Variants in PLCXD3 observed in about 807,000 individuals in gnomAD.
The protein encoded by PLCXD3 is phosphatidylinositol specific phospholipase C X domain containing 3, also known as PI-PLC X domain-containing protein 3.
A neutral mutation model predicts 25.5 loss-of-function variants in PLCXD3; 19 were observed. The observed-to-expected ratio is 0.75, with a 90% CI of 0.52 to 1.09. The LOEUF (loss-of-function observed/expected upper bound fraction) is 1.09. Among genes scored for constraint, PLCXD3 ranks in the 50% least tolerant of loss-of-function variants. PLCXD3 has a pLI of 0.00. For missense variants in PLCXD3, 411 were observed against 388.1 expected (o/e 1.06, Z -0.50); for synonymous variants, 174 against 137.6 (o/e 1.26, Z -1.85).
At chr5:41,462,129 T>C (rs764522032) in intron 1 of PLCXD3, among the ~76,000 whole-genome samples, 1 of 152,030 alleles carries the variant, frequency 6.6e-6, no homozygotes, top group African/African-American at 2.4e-5. Flanking sequence ...AGTTGCCATA[T>C]TCAGGAAAGC....
At chr5:41,471,897 CTT>C in intron 1 of PLCXD3, among the ~76,000 whole-genome samples, 6 of 6,914 alleles carry the variant, frequency 8.7e-4, no homozygotes, top group African/African-American at 3.1e-3. Flanking sequence ...CCTCCCCTCC[CTT>C]CCCTTCCCTT....
intron 1 of PLCXD3, among the ~76,000 whole-genome samples, chr5:41,481,102 TAAAAAA>T (rs554092157): frequency 0.017 from 1,208 of 72,906 alleles, 17 homozygotes; most frequent in African/African-American, 0.06. Context: ...ACCTAATTTG[TAAAAAA>T]AAAAAAAAAA....
At chr5:41,354,800 C>T (rs1744570940) in intron 2 of PLCXD3, among the ~76,000 whole-genome samples, 1 of 152,100 alleles carries the variant, frequency 6.6e-6, no homozygotes, top group East Asian at 1.9e-4. Context: ...CATGTTAGTT[C>T]CCTGCATAAA....
rs113672457 is a variant in PLCXD3 at position 41,309,518 on chromosome 5, G to A, written c.*4099C>T. 3 of 152,324 alleles carry A rather than the reference G, an allele frequency of 2.0e-5. No individual in the cohort carries two copies. In the East Asian group the frequency reaches 5.8e-4, roughly 29 times the overall value. The allele number at this position is 152,324 out of a possible 1,614,324, so 9.4% of individuals were successfully genotyped here. On this transcript the variant is annotated 3_prime_UTR_variant, in exon 3 of 3. Coordinates refer to ENST00000377801, the MANE Select transcript of PLCXD3 (RefSeq NM_001005473.3). ...ACTCTGCCTACGGAACTCCTGTTTG[G>A]TTGAGTGACCAAAGATTAAAAGATT... is the stretch of plus-strand genomic sequence containing the variant.
chr5:41,320,970 C>T (rs974768131), intron 2 of PLCXD3, among the ~76,000 whole-genome samples: 4 of 152,144 alleles, frequency 2.6e-5, no homozygotes, highest in African/African-American at 9.7e-5. Flanking sequence ...AAACCATATA[C>T]AACAGACCCA....
intron 2 of PLCXD3, among the ~76,000 whole-genome samples, chr5:41,359,118 C>T (rs1744702021): frequency 6.6e-6 from 1 of 152,124 alleles, no homozygotes; most frequent in South Asian, 2.1e-4. Flanking sequence ...ATTCGGTTTG[C>T]TAGTATTTTG....
intron 1 of PLCXD3, among the ~76,000 whole-genome samples, chr5:41,396,272 A>C (rs1207357074): frequency 1.3e-5 from 2 of 152,008 alleles, no homozygotes; most frequent in African/African-American, 4.8e-5. Context: ...GGTAGTGTGC[A>C]AGTTCTCAAC....
chr5:41,471,079 T>C (rs781429789), intron 1 of PLCXD3, among the ~76,000 whole-genome samples: 43 of 152,048 alleles, frequency 2.8e-4, no homozygotes, highest in Non-Finnish European at 4.1e-4. Flanking sequence ...GGTCAGTGTA[T>C]AAAAAATTAT....
intron 2 of PLCXD3, among the ~76,000 whole-genome samples, chr5:41,349,741 A>C (rs1048894777): frequency 2.6e-5 from 4 of 152,200 alleles, no homozygotes; most frequent in African/African-American, 9.7e-5. Flanking sequence ...TGCACTAAGC[A>C]AGCCAGTGAT....
At position 41,312,735 on chromosome 5, in the gene PLCXD3, TCTG is replaced by T. The variant is rs1743172254; in HGVS notation, c.*879_*881del. ...TTCCTTCCTTCCTTCCTTCCTTCCTTCTGTCTTTTTCTTTCATCAAGAGCATCA... is the reference window on the plus strand; with the variant it reads ...TTCCTTCCTTCCTTCCTTCCTTCCTTTCTTTTTCTTTCATCAAGAGCATCA... On this transcript the variant is annotated 3_prime_UTR_variant, in exon 3 of 3. Coordinates refer to ENST00000377801, the MANE Select transcript of PLCXD3 (RefSeq NM_001005473.3). The T allele has an allele frequency of 6.7e-6, 1 of 149,354 alleles. No homozygotes were observed. The highest frequency in any genetic ancestry group is 2.5e-5 in the African/African-American group (1 of 40,348). The allele number at this position is 149,354 out of a possible 1,614,324, so 9.3% of individuals were successfully genotyped here.
At chr5:41,509,553 T>C (rs1334336897) in intron 1 of PLCXD3, among the ~76,000 whole-genome samples, 1 of 152,216 alleles carries the variant, frequency 6.6e-6, no homozygotes. Context: ...GGTCTCTTCC[T>C]CGCTTTGTCC....
At chr5:41,483,592 T>C (rs184969627) in intron 1 of PLCXD3, among the ~76,000 whole-genome samples, 1 of 152,158 alleles carries the variant, frequency 6.6e-6, no homozygotes, top group Non-Finnish European at 1.5e-5. Context: ...GTACAGAATT[T>C]CAGTTTTGCA....
intron 1 of PLCXD3, among the ~76,000 whole-genome samples, chr5:41,493,302 AGAGGAGT>A: frequency 6.6e-6 from 1 of 152,286 alleles, no homozygotes; most frequent in Non-Finnish European, 1.5e-5. Context: ...GTTTTGTCTC[AGAGGAGT>A]ACCTGGCCGT....
intron 1 of PLCXD3, among the ~76,000 whole-genome samples, chr5:41,488,316 T>A (rs1261590484): frequency 1.5e-5 from 2 of 132,406 alleles, no homozygotes; most frequent in East Asian, 4.2e-4. Context: ...ATTTTCTTAA[T>A]CCAGTCTATC....
chr5:41,459,943 TC>T (rs1747838129), intron 1 of PLCXD3, among the ~76,000 whole-genome samples: 1 of 151,852 alleles, frequency 6.6e-6, no homozygotes, highest in Non-Finnish European at 1.5e-5. Flanking sequence ...TAAAGATAAA[TC>T]CTGCAAGGAG....
intron 1 of PLCXD3, among the ~76,000 whole-genome samples, chr5:41,455,770 T>C (rs1164740510): frequency 1.3e-5 from 2 of 151,968 alleles, no homozygotes; most frequent in Non-Finnish European, 2.9e-5. Context: ...ATATTTGTTT[T>C]AGTGTATTCT....
rs1467802201 is a variant in PLCXD3 at position 41,312,094 on chromosome 5, T to G, written c.*1523A>C. 2.7e-5 allele frequency: 4 copies of G among 150,926 alleles called. No homozygotes were observed. Among genetic ancestry groups the G allele is most frequent in the African/African-American group, 7.3e-5 (3 of 41,082 alleles). The allele number at this position is 150,926 out of a possible 1,614,324, so 9.3% of individuals were successfully genotyped here. ...AGGCAAGGATTATTGTGCTCTAAGT[T>G]TTTTTTTTTTATTTTTTAGAGTTGT... On this transcript the variant is annotated 3_prime_UTR_variant, in exon 3 of 3. Transcript: ENST00000377801.
intron 1 of PLCXD3, among the ~76,000 whole-genome samples, chr5:41,488,239 C>T (rs1193586757): frequency 2.0e-5 from 3 of 147,956 alleles, no homozygotes; most frequent in African/African-American, 7.6e-5. Flanking sequence ...TCATCCATGT[C>T]CCTACAAAGG....
At chr5:41,443,441 TCTC>T (rs1747427026) in intron 1 of PLCXD3, among the ~76,000 whole-genome samples, 1 of 152,100 alleles carries the variant, frequency 6.6e-6, no homozygotes, top group South Asian at 2.1e-4. Flanking sequence ...TCTCAGAACA[TCTC>T]CTCATCGTTA....
Sources: allele counts gnomAD v4.1 joint callset (sites outside exome capture counted in the v4.1 genomes callset), GRCh38; gene constraint gnomAD v4.1.1; transcripts MANE v1.5; gene names NCBI Gene and HGNC (gene_info 2026-07-23, HGNC 2026-07-21).